CPZ: variants seen among roughly 807,000 people sequenced by gnomAD.
The protein encoded by CPZ is carboxypeptidase Z.
CPZ carries 103 observed loss-of-function variants against 61.8 expected under a neutral mutation model. The observed-to-expected ratio is 1.67, with a 90% CI of 1.42 to 1.96. The LOEUF (loss-of-function observed/expected upper bound fraction) is 1.96, where lower values mean the gene tolerates loss of function less well. CPZ is among the 30% of genes most tolerant of loss of function. The probability of loss-of-function intolerance (pLI) is 0.00; values close to 1 mark genes in which losing one functional copy is unlikely to be tolerated. For synonymous variants in CPZ, 551 were observed against 373.7 expected (o/e 1.47, Z -5.47); for missense variants, 1,461 against 914.9 (o/e 1.60, Z -7.70).
intron 1 of CPZ, among the ~76,000 whole-genome samples, chr4:8,598,270 C>T (rs1395747435): frequency 1.8e-4 from 28 of 152,188 alleles, no homozygotes; most frequent in Admixed American, 1.1e-3. Flanking sequence ...GAAACCCAGT[C>T]CCAGGAAGTT....
intron 7 of CPZ, 21 bp downstream of exon 7, chr4:8,607,446 G>T (rs746373262): frequency 6.2e-7 from 1 of 1,612,006 alleles, no homozygotes; most frequent in Non-Finnish European, 8.5e-7. Context: ...TGTCGGGTGT[G>T]TGCAGGGGAG....
chr4:8,619,615 T>TAGCCCC lies in CPZ; in HGVS notation c.1958_*4dup. Reference sequence around the variant, plus strand: ...CAGGCCACGCTGGCTGCTCAAGTACTAGCCCCGGCCCCAGCACCCGCCAGG... The same window carrying TAGCCCC: ...CAGGCCACGCTGGCTGCTCAAGTACTAGCCCCAGCCCCGGCCCCAGCACCCGCCAGG... On this transcript the variant is annotated inframe_insertion and stop_retained_variant, in exon 11 of 11. Transcript: ENST00000360986. 1.3e-6 allele frequency: 2 copies of TAGCCCC among 1,492,748 alleles called. No individual in the cohort carries two copies. Among genetic ancestry groups the TAGCCCC allele is most frequent in the Non-Finnish European group, 1.8e-6 (2 of 1,122,658 alleles). The allele number at this position is 1,492,748 out of a possible 1,614,324, so 92.5% of individuals were successfully genotyped here. A position where few individuals can be genotyped will look rare whatever the true frequency, so the allele number is the denominator to read the frequency against.
At chr4:8,594,854 G>A (rs1374286592) in intron 1 of CPZ, among the ~76,000 whole-genome samples, 1 of 151,406 alleles carries the variant, frequency 6.6e-6, no homozygotes, top group Non-Finnish European at 1.5e-5. Flanking sequence ...CTCACTGCGA[G>A]CTCCACCTCC....
At position 8,599,733 on chromosome 4, in the gene CPZ, C is replaced by T. The variant is rs1272609506; in HGVS notation, c.121+248C>T. 4 of 801,530 alleles carry T rather than the reference C, an allele frequency of 5.0e-6. No homozygotes were observed. The East Asian group carries it at 9.4e-5, about 19-fold the overall frequency. 49.7% of individuals were successfully genotyped at this position (801,530 alleles called of 1,614,324 possible). A position where few individuals can be genotyped will look rare whatever the true frequency, so the allele number is the denominator to read the frequency against. On this transcript the variant is annotated intron_variant, in intron 2 of 10. Coordinates refer to ENST00000360986, the MANE Select transcript of CPZ (RefSeq NM_001014447.3). ...CCCACCCCAGCCCCTGCAGAGATGT[C>T]CTCTCCATCCCTCTCCAGTCCCCAC... is the stretch of plus-strand genomic sequence containing the variant.
At chr4:8,599,634 C>T (rs1714428608) in intron 2 of CPZ, 149 bp downstream of exon 2, 1 of 1,462,362 alleles carries the variant, frequency 6.8e-7, no homozygotes. Flanking sequence ...CCCTCGTAAA[C>T]AGCCAGAGAA....
rs574439007 is a variant in CPZ at position 8,598,076 on chromosome 4, G to A, written c.89-1377G>A. Among the ~76,000 whole-genome samples the A allele has an allele frequency of 4.5e-3, 693 of 152,362 alleles. 3 individuals are homozygous for A. The highest frequency in any genetic ancestry group is 0.01 in the Middle Eastern group (3 of 294). Reference sequence around the variant, plus strand: ...GTCTTCCCCAGGGCCGCCCGCACACGCCTGTTCCACGCCCGGAGAGCGCTG... The same window carrying A: ...GTCTTCCCCAGGGCCGCCCGCACACACCTGTTCCACGCCCGGAGAGCGCTG... On this transcript the variant is annotated intron_variant, in intron 1 of 10. Coordinates refer to ENST00000360986, the MANE Select transcript of CPZ (RefSeq NM_001014447.3).
intron 10 of CPZ, 116 bp from the exon 11 acceptor site, chr4:8,619,146 G>A (rs13132404): frequency 0.44 from 367,158 of 826,244 alleles, 84,826 homozygotes; most frequent in Admixed American, 0.57. Context: ...AGAGGCAAGT[G>A]CACATTTGGC....
Position 8,606,182 on chromosome 4 carries a change from C to G in CPZ, c.903C>G (p.Ala301=), listed in dbSNP as rs201543610. The change falls in exon 5 of 11, where the codon GCC becomes GCG. Residue 301 remains alanine (A), a synonymous_variant. Coordinates refer to ENST00000360986, the MANE Select transcript of CPZ (RefSeq NM_001014447.3). ...MNPDGYEVAA[A]EGAGYNGWTS... is the part of the protein sequence containing the mutation. ...CTGACGGCTATGAGGTGGCAGCTGC[C>G]GAGGTGAGCGCCCAGATGCCTGGAT... 2.8e-3 allele frequency: 4,440 copies of G among 1,612,870 alleles called. 135 individuals are homozygous for G. The South Asian group carries it at 0.046, about 17-fold the overall frequency.
chr4:8,618,462 A>C lies in CPZ; in HGVS notation c.1537A>C (p.Lys513Gln), dbSNP rs1716391813. ...HRGIKGVVTD[K>Q]FGKPVKNARI... is the part of the protein sequence containing the mutation. ...GGGCATCAAAGGTGTGGTGACAGATAAATTCGGCAAGCCAGTCAAAAACGC... is the reference window on the plus strand; with the variant it reads ...GGGCATCAAAGGTGTGGTGACAGATCAATTCGGCAAGCCAGTCAAAAACGC... The change falls in exon 10 of 11, where the codon AAA becomes CAA. Residue 513 changes from lysine to glutamine, a missense_variant. Lys to Gln is a moderately conservative substitution (Grantham distance 53). Transcript: ENST00000360986. 6.2e-7 allele frequency: 1 copy of C among 1,614,184 alleles called. No homozygotes were observed. Among genetic ancestry groups the C allele is most frequent in the Non-Finnish European group, 8.5e-7 (1 of 1,180,026 alleles).
At chr4:8,611,433 G>A (rs968889222) in intron 7 of CPZ, among the ~76,000 whole-genome samples, 27 of 152,312 alleles carry the variant, frequency 1.8e-4, no homozygotes, top group African/African-American at 6.3e-4. Flanking sequence ...AAGGGTGGCA[G>A]ATCCTGTGAG....
chr4:8,616,196 A>C (rs1223713825), intron 9 of CPZ, among the ~76,000 whole-genome samples: 1 of 152,208 alleles, frequency 6.6e-6, no homozygotes, highest in African/African-American at 2.4e-5. Context: ...GCTCCTGATA[A>C]GGATCAAGCC....
In CPZ at chr4:8,604,232, AG is replaced by A; in HGVS notation, c.709+47del. 3.4e-6 allele frequency: 5 copies of A among 1,482,864 alleles called. No homozygotes were observed. In the East Asian group the frequency reaches 1.2e-4, roughly 37 times the overall value. The allele number at this position is 1,482,864 out of a possible 1,614,324, so 91.9% of individuals were successfully genotyped here. Reference sequence around the variant, plus strand: ...GCCTGGCCTGGCCCCGTTTCGGGAAAGGGCTTGGGCCGCTCCACCTTCGGGT... The same window carrying A: ...GCCTGGCCTGGCCCCGTTTCGGGAAAGGCTTGGGCCGCTCCACCTTCGGGT... On this transcript the variant is annotated intron_variant, in intron 4 of 10. Transcript: ENST00000360986.
intron 7 of CPZ, chr4:8,611,051 T>TTCGC (rs1026382106): frequency 5.4e-6 from 2 of 373,232 alleles, no homozygotes; most frequent in African/African-American, 2.1e-5. Context: ...TGCTCACGCA[T>TTCGC]TCGCTCACTC....
intron 2 of CPZ, among the ~76,000 whole-genome samples, chr4:8,600,617 G>A (rs1049149339): frequency 6.6e-6 from 1 of 152,218 alleles, no homozygotes; most frequent in Non-Finnish European, 1.5e-5. Flanking sequence ...GCATCCCTGC[G>A]AGCTGCAGAG....
intron 1 of CPZ, among the ~76,000 whole-genome samples, chr4:8,593,841 C>T (rs1577104791): frequency 6.6e-6 from 1 of 152,200 alleles, no homozygotes; most frequent in African/African-American, 2.4e-5. Flanking sequence ...TTTCCTCCCA[C>T]CTCTGCTCCT....
At chr4:8,612,731 C>A (rs187494099) in intron 8 of CPZ, among the ~76,000 whole-genome samples, 1 of 152,172 alleles carries the variant, frequency 6.6e-6, no homozygotes, top group Non-Finnish European at 1.5e-5. Context: ...GAGGGGTACC[C>A]GCCAGACCAG....
At chr4:8,612,310 G>C in intron 8 of CPZ, 148 bp downstream of exon 8, 1 of 700,948 alleles carries the variant, frequency 1.4e-6, no homozygotes, top group Non-Finnish European at 2.3e-6. Flanking sequence ...GTGGAGAGGA[G>C]GCTGGCGTGA....
intron 9 of CPZ, among the ~76,000 whole-genome samples, chr4:8,617,255 T>G (rs549433206): frequency 1.3e-5 from 2 of 152,318 alleles, no homozygotes; most frequent in South Asian, 2.1e-4. Context: ...TTTGGCCTCA[T>G]GAACATTTTA....
intron 6 of CPZ, 112 bp downstream of exon 6, chr4:8,607,010 C>G (rs905469482): frequency 3.1e-6 from 4 of 1,272,930 alleles, no homozygotes; most frequent in Non-Finnish European, 4.3e-6. Context: ...CTGGTGCTCC[C>G]TCCCTGCCTC....
Sources: allele counts gnomAD v4.1 joint callset (sites outside exome capture counted in the v4.1 genomes callset), GRCh38; gene constraint gnomAD v4.1.1; transcripts MANE v1.5; gene names NCBI Gene and HGNC (gene_info 2026-07-23, HGNC 2026-07-21).